The following TANC1 variants were observed in gnomAD, a reference collection of about 807,000 sequenced individuals.
TANC1 encodes protein TANC1.
In TANC1, 77 loss-of-function variants were observed where a neutral mutation model predicts 149.7. The observed-to-expected ratio is 0.51, with a 90% confidence interval of 0.43 to 0.62. The LOEUF (loss-of-function observed/expected upper bound fraction) is 0.62, where lower values mean the gene tolerates loss of function less well. Among genes scored for constraint, TANC1 ranks in the 20% least tolerant of loss-of-function variants. The pLI, the probability that TANC1 is intolerant of heterozygous loss-of-function variation, is 0.00. For missense variants in TANC1, 1,985 were observed against 2,321.8 expected (o/e 0.85, Z 2.98); for synonymous variants, 854 against 925.0 (o/e 0.92, Z 1.39).
intron 14 of TANC1, among the ~76,000 whole-genome samples, chr2:159,183,544 T>C (rs2056690223): frequency 6.6e-6 from 1 of 152,026 alleles, no homozygotes; most frequent in Non-Finnish European, 1.5e-5. Context: ...AAATGACGGT[T>C]AAGAGGAAGC....
intron 1 of TANC1, among the ~76,000 whole-genome samples, chr2:158,991,512 G>T (rs1283812432): frequency 1.3e-5 from 2 of 152,122 alleles, no homozygotes; most frequent in Non-Finnish European, 2.9e-5. Context: ...CCAGCACTTT[G>T]GGAGGCCGAG....
chr2:159,046,955 A>G (rs1376585437), intron 2 of TANC1, among the ~76,000 whole-genome samples: 1 of 151,716 alleles, frequency 6.6e-6, no homozygotes, highest in Non-Finnish European at 1.5e-5. Flanking sequence ...ATTTCCTCTT[A>G]GGTCCTGCTG....
rs1425994026 is a variant in TANC1 at position 159,136,194 on chromosome 2, G to A, written c.260G>A (p.Gly87Asp). Residue 87 changes from glycine (G) to aspartate (D), a missense_variant and splice_region_variant, in exon 5 of 27, where the codon GGT (glycine) becomes GAT (aspartate). Physicochemically the swap from Gly to Asp is moderately conservative, Grantham distance 94. Around this residue, in one of 3 missense-constraint regions of TANC1, gnomAD observed 557 missense variants for 612.9 expected, o/e 0.91. Coordinates refer to ENST00000263635, the MANE Select transcript of TANC1 (RefSeq NM_033394.3). ...VQSRVNKKSP[G>D]PVRKPKYVES... ...CACACTCAGATCTTTCCCACTACAG[G>A]TCCCGTCAGGAAGCCCAAGTATGTG... 6.3e-7 allele frequency: 1 copy of A among 1,587,780 alleles called. No homozygotes were observed. Among genetic ancestry groups the A allele is most frequent in the Non-Finnish European group, 8.7e-7 (1 of 1,155,928 alleles).
chr2:159,185,547 C>T (rs1246210702), intron 14 of TANC1, among the ~76,000 whole-genome samples: 1 of 152,194 alleles, frequency 6.6e-6, no homozygotes, highest in Admixed American at 6.5e-5. Flanking sequence ...AGGCTAGGCC[C>T]AGGGATGGTT....
intron 8 of TANC1, among the ~76,000 whole-genome samples, chr2:159,165,044 T>G (rs762557355): frequency 1.3e-5 from 2 of 152,246 alleles, no homozygotes; most frequent in Non-Finnish European, 2.9e-5. Flanking sequence ...GTCATTTGTA[T>G]TATCCCAGAA....
intron 20 of TANC1, among the ~76,000 whole-genome samples, chr2:159,218,094 T>G (rs1473316877): frequency 6.6e-6 from 1 of 152,142 alleles, no homozygotes; most frequent in East Asian, 1.9e-4. Flanking sequence ...GTTTTGTTTT[T>G]TTACTATGAA....
At chr2:159,096,610 C>T (rs950993797) in intron 3 of TANC1, among the ~76,000 whole-genome samples, 2 of 152,224 alleles carry the variant, frequency 1.3e-5, no homozygotes, top group Non-Finnish European at 1.5e-5. Context: ...TGTTGTTCCC[C>T]TATTGGCTAG....
intron 14 of TANC1, among the ~76,000 whole-genome samples, chr2:159,181,814 C>A (rs773392450): frequency 7.9e-5 from 12 of 152,148 alleles, no homozygotes; most frequent in Non-Finnish European, 1.3e-4. Context: ...GATCTTAAGA[C>A]GATGTACTAC....
At chr2:159,144,438 C>G (rs1024247666) in intron 5 of TANC1, among the ~76,000 whole-genome samples, 2 of 152,160 alleles carry the variant, frequency 1.3e-5, no homozygotes, top group African/African-American at 2.4e-5. Context: ...TACAGTGGCA[C>G]AATCTTGGCT....
At chr2:158,994,290 T>C (rs1211077459) in intron 1 of TANC1, among the ~76,000 whole-genome samples, 1 of 152,212 alleles carries the variant, frequency 6.6e-6, no homozygotes, top group Non-Finnish European at 1.5e-5. Context: ...TTATATTTTT[T>C]AGAGACAAGG....
chr2:159,187,561 C>T (rs755411364), intron 16 of TANC1, among the ~76,000 whole-genome samples: 1 of 152,066 alleles, frequency 6.6e-6, no homozygotes, highest in Non-Finnish European at 1.5e-5. Context: ...TGATGTTCCA[C>T]TCAGCTTTTT....
chr2:159,111,630 G>A lies in TANC1; in HGVS notation c.259+13796G>A, dbSNP rs966302716. On this transcript the variant is annotated intron_variant, in intron 4 of 26. Transcript: ENST00000263635. ...GGTACACCAGAATCCCGTATAGGAG[G>A]GGCACGTGGGGCTGAGACGGGCTGA... is the stretch of plus-strand genomic sequence containing the variant. Among the ~76,000 whole-genome samples the A allele has an allele frequency of 1.3e-4, 20 of 152,256 alleles. 1 individual carries two copies. The highest frequency in any genetic ancestry group is 1.0e-3 in the South Asian group (5 of 4,822).
chr2:159,170,849 T>G, intron 10 of TANC1, 44 bp downstream of exon 10: 3 of 1,589,628 alleles, frequency 1.9e-6, no homozygotes, highest in Non-Finnish European at 2.6e-6. Context: ...TAACATAAGA[T>G]AGATGGAGGA....
intron 22 of TANC1, among the ~76,000 whole-genome samples, chr2:159,221,017 T>C (rs2059675117): frequency 1.3e-5 from 2 of 152,230 alleles, no homozygotes; most frequent in Non-Finnish European, 2.9e-5. Context: ...TTCTTTTTGG[T>C]GAGAGCATTT....
At chr2:159,117,250 A>G (rs537776715) in intron 4 of TANC1, among the ~76,000 whole-genome samples, 110 of 152,334 alleles carry the variant, frequency 7.2e-4, no homozygotes, top group Non-Finnish European at 1.2e-3. Flanking sequence ...TTAAATTCAG[A>G]ATAGCGTTAG....
intron 4 of TANC1, among the ~76,000 whole-genome samples, chr2:159,119,363 G>C (rs894438008): frequency 6.6e-6 from 1 of 152,072 alleles, no homozygotes; most frequent in African/African-American, 2.4e-5. Context: ...TTGGGAAGAT[G>C]GTTTCATATG....
intron 16 of TANC1, among the ~76,000 whole-genome samples, chr2:159,191,377 G>T (rs891048269): frequency 1.6e-4 from 24 of 152,304 alleles, no homozygotes; most frequent in African/African-American, 4.3e-4. Flanking sequence ...GAGAGGGCCT[G>T]GGTGCACAGG....
At chr2:159,228,605 T>C in intron 25 of TANC1, 191 bp from the exon 26 acceptor site, 1 of 563,886 alleles carries the variant, frequency 1.8e-6, no homozygotes, top group Non-Finnish European at 3.2e-6. Context: ...CATAGTGGAT[T>C]CTTCTCCTAA....
At chr2:159,066,702 T>C (rs941666404) in intron 3 of TANC1, among the ~76,000 whole-genome samples, 1 of 152,234 alleles carries the variant, frequency 6.6e-6, no homozygotes, top group Non-Finnish European at 1.5e-5. Context: ...TATCAAATTT[T>C]ACTCCTAACA....
Sources: gnomAD v4.1 joint callset for allele counts (sites outside exome capture counted in the v4.1 genomes callset) on GRCh38, gnomAD v4.1.1 for gene constraint, gnomAD v4.1.1 regional missense constraint, MANE v1.5 for transcripts, NCBI Gene and HGNC (gene_info 2026-07-23, HGNC 2026-07-21) for gene names.